ASTN2: variants seen among roughly 807,000 people sequenced by gnomAD.
ASTN2 encodes the protein astrotactin 2.
Under a neutral mutation model 139.8 loss-of-function variants are expected in ASTN2, and 54 were observed. The observed-to-expected ratio is 0.39, with a 90% CI of 0.31 to 0.48. The LOEUF is 0.48. Among genes scored for constraint, ASTN2 ranks in the 20% least tolerant of loss-of-function variants. The pLI is 0.95. For synonymous variants in ASTN2, 756 were observed against 719.5 expected (o/e 1.05, Z -0.81); for missense variants, 1,565 against 1,725.1 (o/e 0.91, Z 1.64).
chr9:116,989,569 T>C (rs977920223), intron 7 of ASTN2, among the ~76,000 whole-genome samples: 1 of 147,228 alleles, frequency 6.8e-6, no homozygotes, highest in Non-Finnish European at 1.5e-5. Flanking sequence ...GCTAATCTCA[T>C]TTCTGATTAT....
At chr9:117,208,156 C>A (rs1417787145) in intron 3 of ASTN2, among the ~76,000 whole-genome samples, 1 of 151,712 alleles carries the variant, frequency 6.6e-6, no homozygotes, top group African/African-American at 2.4e-5. Flanking sequence ...AGCAGCAGAC[C>A]CTGATCATAA....
chr9:117,146,523 T>C (rs1173678326), intron 3 of ASTN2, among the ~76,000 whole-genome samples: 1 of 138,678 alleles, frequency 7.2e-6, no homozygotes, highest in African/African-American at 2.7e-5. Flanking sequence ...TGCTCAGTAA[T>C]AAAGAAGAGA....
intron 1 of ASTN2, among the ~76,000 whole-genome samples, chr9:117,407,916 T>C (rs898363597): frequency 1.3e-5 from 2 of 152,170 alleles, no homozygotes; most frequent in African/African-American, 4.8e-5. Context: ...GGAAGCCTCC[T>C]CTAATGCTGC....
chr9:116,755,965 C>A (rs765412526), intron 13 of ASTN2, among the ~76,000 whole-genome samples: 4 of 152,248 alleles, frequency 2.6e-5, no homozygotes, highest in Non-Finnish European at 5.9e-5. Context: ...CCTCCTAACA[C>A]CTTGATGGTG....
Position 117,096,465 on chromosome 9 carries a change from A to C in ASTN2, c.1169-314T>G, listed in dbSNP as rs549768180. Reference sequence around the variant, plus strand: ...GTGAGATTGCCTTGAAGATTAAAGGAGATGTAATATATAAAATACCTGGTC... The same window carrying C: ...GTGAGATTGCCTTGAAGATTAAAGGCGATGTAATATATAAAATACCTGGTC... On this transcript the variant is annotated intron_variant, in intron 4 of 22. Coordinates refer to ENST00000313400, the MANE Select transcript of ASTN2 (RefSeq NM_001365068.1). 4.1e-4 allele frequency among the ~76,000 whole-genome samples: 63 copies of C among 152,314 alleles called. No individual in the cohort carries two copies. The South Asian group carries it at 0.013, about 31-fold the overall frequency.
At chr9:116,555,742 CAAAA>C (rs919185083) in intron 19 of ASTN2, among the ~76,000 whole-genome samples, 2 of 151,810 alleles carry the variant, frequency 1.3e-5, no homozygotes, top group Non-Finnish European at 2.9e-5. Flanking sequence ...AACAAACAAA[CAAAA>C]AAAACCACAC....
chr9:116,779,701 AT>A (rs1400190468), intron 13 of ASTN2, among the ~76,000 whole-genome samples: 1 of 151,862 alleles, frequency 6.6e-6, no homozygotes, highest in African/African-American at 2.4e-5. Flanking sequence ...TTTTCTGTTC[AT>A]TTTCTCAGAG....
At chr9:116,713,866 T>G (rs1205250077) in intron 16 of ASTN2, among the ~76,000 whole-genome samples, 3 of 152,166 alleles carry the variant, frequency 2.0e-5, no homozygotes, top group African/African-American at 4.8e-5. Flanking sequence ...TGTAGTGAAT[T>G]CTCAGTACAT....
Position 117,008,084 on chromosome 9 carries a change from T to C in ASTN2, c.1591+8A>G, listed in dbSNP as rs760167214. 1.3e-6 allele frequency: 2 copies of C among 1,583,520 alleles called. No homozygotes were observed. The highest frequency in any genetic ancestry group is 1.2e-5 in the South Asian group (1 of 86,296). ...CCTTCTATCCCCATCCCGGCTCCCA[T>C]GGCTCACCGGTTTCTGGGTCGCAGA... is the stretch of plus-strand genomic sequence containing the variant. On this transcript the variant is annotated splice_region_variant and intron_variant, in intron 7 of 22. Coordinates refer to ENST00000313400, the MANE Select transcript of ASTN2 (RefSeq NM_001365068.1).
At chr9:116,611,121 A>G (rs1252177017) in intron 19 of ASTN2, 3 of 152,188 alleles carry the variant, frequency 2.0e-5, no homozygotes, top group African/African-American at 7.2e-5. Flanking sequence ...AAAATCAACA[A>G]CAAAAATTTC....
chr9:116,560,755 T>A (rs1291848231), intron 19 of ASTN2, among the ~76,000 whole-genome samples: 1 of 152,182 alleles, frequency 6.6e-6, no homozygotes, highest in African/African-American at 2.4e-5. Flanking sequence ...CTGGGAGGCA[T>A]TCAATAGATA....
chr9:116,761,351 G>A (rs1318535770), intron 13 of ASTN2, among the ~76,000 whole-genome samples: 2 of 152,114 alleles, frequency 1.3e-5, no homozygotes, highest in Non-Finnish European at 2.9e-5. Flanking sequence ...TGTGTGGTAG[G>A]TACTCACAAT....
At chr9:117,305,094 CT>C (rs1182841247) in intron 1 of ASTN2, among the ~76,000 whole-genome samples, 2 of 152,212 alleles carry the variant, frequency 1.3e-5, no homozygotes, top group African/African-American at 2.4e-5. Flanking sequence ...CCAGACTCCT[CT>C]CTGCAGGTGA....
At chr9:116,720,465 T>C (rs1208506319) in intron 16 of ASTN2, among the ~76,000 whole-genome samples, 1 of 152,170 alleles carries the variant, frequency 6.6e-6, no homozygotes, top group Non-Finnish European at 1.5e-5. Flanking sequence ...CTTTCACTTC[T>C]AGCCTCTCTT....
intron 17 of ASTN2, among the ~76,000 whole-genome samples, chr9:116,640,662 A>G (rs1334447892): frequency 2.0e-5 from 3 of 152,242 alleles, no homozygotes; most frequent in Non-Finnish European, 4.4e-5. Flanking sequence ...TTAAGAAATT[A>G]GAAGGTTTCC....
rs372397826 is a variant in ASTN2 at position 116,425,555 on chromosome 9, T to C, written c.*296A>G. The C allele has an allele frequency of 8.0e-5, 129 of 1,612,588 alleles. No individual in the cohort carries two copies. The highest frequency in any genetic ancestry group is 1.0e-5 in the Non-Finnish European group (12 of 1,179,494). ...CGCTTGGTCTCCACCTGAAAACTTC[T>C]GCCTCGGGATTGACAGCCATCCATA... On this transcript the variant is annotated 3_prime_UTR_variant, in exon 23 of 23. Coordinates refer to ENST00000313400, the MANE Select transcript of ASTN2 (RefSeq NM_001365068.1).
chr9:116,478,392 A>C (rs1417649695), intron 20 of ASTN2, among the ~76,000 whole-genome samples: 2 of 151,990 alleles, frequency 1.3e-5, no homozygotes, highest in Non-Finnish European at 2.9e-5. Flanking sequence ...CAGCACAAGA[A>C]CCCTATCAAG....
At chr9:116,478,801 G>A (rs1232883646) in intron 20 of ASTN2, among the ~76,000 whole-genome samples, 1 of 151,844 alleles carries the variant, frequency 6.6e-6, no homozygotes, top group Admixed American at 6.6e-5. Context: ...GAACCAGCCT[G>A]GCCAATATGG....
intron 11 of ASTN2, among the ~76,000 whole-genome samples, chr9:116,859,697 G>T (rs998296375): frequency 6.6e-6 from 1 of 152,218 alleles, no homozygotes; most frequent in Non-Finnish European, 1.5e-5. Context: ...ACGCCCATGA[G>T]TGTATGAAGG....
Sources: gnomAD v4.1 joint callset for allele counts (sites outside exome capture counted in the v4.1 genomes callset) on GRCh38, gnomAD v4.1.1 for gene constraint, MANE v1.5 for transcripts, NCBI Gene and HGNC (gene_info 2026-07-23, HGNC 2026-07-21) for gene names.